The following SOX6 variants were observed in gnomAD, a reference collection of about 807,000 sequenced individuals.
The protein encoded by SOX6 is SRY-box transcription factor 6.
A neutral mutation model predicts 97.8 loss-of-function variants in SOX6; 11 were observed. That is an observed-to-expected ratio of 0.11 (90% CI 0.07 to 0.19). SOX6 has a LOEUF of 0.19. SOX6 is among the 10% of genes least tolerant of loss of function. SOX6 has a pLI of 1.00. For synonymous variants in SOX6, 360 were observed against 371.4 expected (o/e 0.97, Z 0.35); for missense variants, 810 against 1,039.5 (o/e 0.78, Z 3.04).
intron 3 of SOX6, among the ~76,000 whole-genome samples, chr11:16,276,131 G>A (rs765388336): frequency 5.3e-5 from 8 of 152,118 alleles, no homozygotes; most frequent in Non-Finnish European, 8.8e-5. Context: ...GATCCTGACC[G>A]AGAAAGTCTA....
chr11:16,018,753 C>T (rs1316001691), intron 12 of SOX6, among the ~76,000 whole-genome samples: 1 of 152,032 alleles, frequency 6.6e-6, no homozygotes, highest in East Asian at 1.9e-4. Context: ...ATTAATGTAA[C>T]TTTACAACCA....
rs564857922 is a variant in SOX6, at chr11:16,318,203, T to C, written c.445+243A>G. 5 of 526,434 alleles carry C rather than the reference T, an allele frequency of 9.5e-6. No homozygotes were observed. The East Asian group carries it at 1.4e-4, about 15-fold the overall frequency. The allele number at this position is 526,434 out of a possible 1,614,324, so 32.6% of individuals were successfully genotyped here. A position where few individuals can be genotyped will look rare whatever the true frequency, so the allele number is the denominator to read the frequency against. ...GAGTAGGATTATGGTCAGTTTAAAA[T>C]CCTAATTTGTTATCTTAAGAACCAA... On this transcript the variant is annotated intron_variant, in intron 3 of 15. Transcript: ENST00000683767.
At position 15,994,803 on chromosome 11, in the gene SOX6, T is replaced by TA. The variant is rs559876705; in HGVS notation, c.1733-5574dup. ...ATTCTGGTAATGGCAGAATAGCTCA[T>TA]ATCAGCCCTGTCCTCCAATAGATAA... is the stretch of plus-strand genomic sequence containing the variant. On this transcript the variant is annotated intron_variant, in intron 13 of 15. Coordinates refer to ENST00000683767, the MANE Select transcript of SOX6 (RefSeq NM_001367873.1). Among the ~76,000 whole-genome samples the TA allele has an allele frequency of 4.5e-4, 69 of 152,240 alleles. 3 individuals carry two copies. In the South Asian group the frequency reaches 0.014, roughly 31 times the overall value.
At chr11:16,201,351 T>C (rs1851931698) in intron 4 of SOX6, among the ~76,000 whole-genome samples, 1 of 152,076 alleles carries the variant, frequency 6.6e-6, no homozygotes, top group Non-Finnish European at 1.5e-5. Flanking sequence ...TAGAACCCTA[T>C]AGTTGATTTT....
At chr11:16,034,297 T>C (rs1213146764) in intron 12 of SOX6, among the ~76,000 whole-genome samples, 1 of 152,194 alleles carries the variant, frequency 6.6e-6, no homozygotes, top group Non-Finnish European at 1.5e-5. Flanking sequence ...AGACACCCTT[T>C]GTGTTATTTC....
intron 1 of SOX6, among the ~76,000 whole-genome samples, chr11:16,404,973 T>A (rs1858655176): frequency 6.6e-6 from 1 of 152,010 alleles, no homozygotes; most frequent in Admixed American, 6.6e-5. Flanking sequence ...TAGCATTTCT[T>A]ATTTAATTAA....
chr11:16,586,306 A>C (rs976880473), intron 4 of SOX6, among the ~76,000 whole-genome samples: 1 of 152,202 alleles, frequency 6.6e-6, no homozygotes, highest in Non-Finnish European at 1.5e-5. Flanking sequence ...TTTAGAGGTA[A>C]TAAGAGGTGG....
At chr11:16,499,990 T>G (rs1860674701) in intron 4 of SOX6, among the ~76,000 whole-genome samples, 1 of 152,104 alleles carries the variant, frequency 6.6e-6, no homozygotes, top group South Asian at 2.1e-4. Context: ...TACCAAAGCC[T>G]GGCAGAGACA....
intron 3 of SOX6, among the ~76,000 whole-genome samples, chr11:16,614,485 T>C (rs573450943): frequency 9.2e-5 from 14 of 152,172 alleles, no homozygotes; most frequent in Non-Finnish European, 1.6e-4. Context: ...CTTCTGAGTG[T>C]CTAACAATGG....
In SOX6 at chr11:16,126,247, T is replaced by G. The variant is rs1417659984; in HGVS notation, c.778-14324A>C. ...TATAACATCCACAATGATCTAAAAC[T>G]GTGATGATCAAATCTATAGACTTTT... On this transcript the variant is annotated intron_variant, in intron 6 of 15. Transcript: ENST00000683767. Among the ~76,000 whole-genome samples, 3 of 152,222 alleles carry G rather than the reference T, an allele frequency of 2.0e-5. No individual in the cohort carries two copies. In the South Asian group the frequency reaches 6.2e-4, roughly 32 times the overall value.
chr11:16,442,755 A>G (rs1024555077), intron 1 of SOX6, among the ~76,000 whole-genome samples: 2 of 152,168 alleles, frequency 1.3e-5, no homozygotes, highest in Admixed American at 6.5e-5. Context: ...TTCATATCAC[A>G]TCACACTCCG....
chr11:16,008,464 C>A lies in SOX6; in HGVS notation c.1732+6478G>T, dbSNP rs11824126. 1.4e-3 allele frequency among the ~76,000 whole-genome samples: 214 copies of A among 152,154 alleles called. 1 individual carries two copies. The highest frequency in any genetic ancestry group is 5.0e-3 in the African/African-American group (209 of 41,524). On this transcript the variant is annotated intron_variant, in intron 13 of 15. Coordinates refer to ENST00000683767, the MANE Select transcript of SOX6 (RefSeq NM_001367873.1). ...GGCAGCCCAATGAGAAACCAGCTAT[C>A]CAGTAGGGCTAGATTCCTCACTAAA...
At chr11:16,124,148 T>C (rs879558564) in intron 6 of SOX6, among the ~76,000 whole-genome samples, 1 of 152,126 alleles carries the variant, frequency 6.6e-6, no homozygotes, top group Non-Finnish European at 1.5e-5. Context: ...GCACATATTG[T>C]GTTGAATTAT....
chr11:16,002,256 G>C (rs866918836), intron 13 of SOX6, among the ~76,000 whole-genome samples: 5 of 152,274 alleles, frequency 3.3e-5, no homozygotes, highest in Middle Eastern at 3.4e-3. Flanking sequence ...TTTCATCTGA[G>C]CTTAAAAAGG....
chr11:16,696,370 T>C (rs922367260), intron 3 of SOX6, among the ~76,000 whole-genome samples: 4 of 152,380 alleles, frequency 2.6e-5, no homozygotes, highest in Middle Eastern at 3.4e-3. Flanking sequence ...CATTGCATTA[T>C]ATAATTTCAA....
intron 6 of SOX6, among the ~76,000 whole-genome samples, chr11:16,116,248 T>A (rs1036065555): frequency 1.3e-5 from 2 of 152,190 alleles, no homozygotes; most frequent in Non-Finnish European, 2.9e-5. Context: ...GTTTTCTATA[T>A]GTCAAACACT....
At chr11:16,237,835 CTT>C (rs1024492661) in intron 3 of SOX6, among the ~76,000 whole-genome samples, 5 of 151,944 alleles carry the variant, frequency 3.3e-5, no homozygotes, top group African/African-American at 1.2e-4. Context: ...TATTATCTGA[CTT>C]TGACTTTTCC....
At chr11:16,205,749 G>A (rs2134134214) in intron 4 of SOX6, among the ~76,000 whole-genome samples, 1 of 152,208 alleles carries the variant, frequency 6.6e-6, no homozygotes, top group African/African-American at 2.4e-5. Flanking sequence ...AGCTATTAAA[G>A]TACATAAAAT....
intron 3 of SOX6, among the ~76,000 whole-genome samples, chr11:16,268,107 T>A (rs530479010): frequency 6.6e-6 from 1 of 150,958 alleles, no homozygotes; most frequent in Non-Finnish European, 1.5e-5. Context: ...AAAATAAGTG[T>A]TTTTTTTAGA....
Sources: gnomAD v4.1 joint callset for allele counts (sites outside exome capture counted in the v4.1 genomes callset) on GRCh38, gnomAD v4.1.1 for gene constraint, MANE v1.5 for transcripts, NCBI Gene and HGNC (gene_info 2026-07-23, HGNC 2026-07-21) for gene names.